The following TEKT1 variants were observed in gnomAD, a reference collection of about 807,000 sequenced individuals.
TEKT1 encodes tektin-1.
TEKT1 carries 32 observed loss-of-function variants against 34.8 expected under a neutral mutation model. The observed-to-expected ratio is 0.92, with a 90% CI of 0.69 to 1.23. The LOEUF (loss-of-function observed/expected upper bound fraction) is 1.23, where lower values mean the gene tolerates loss of function less well. Among genes scored for constraint, TEKT1 ranks in the 50% most tolerant of loss-of-function variants. The pLI is 0.00. For missense variants in TEKT1, 492 were observed against 518.5 expected (o/e 0.95, Z 0.50); for synonymous variants, 207 against 199.8 (o/e 1.04, Z -0.30).
In TEKT1 at chr17:6,798,056, G is replaced by A. The variant is rs1490980263; in HGVS notation, c.*1971C>T. The A allele has an allele frequency of 3.9e-5, 6 of 152,206 alleles. No individual in the cohort carries two copies. The highest frequency in any genetic ancestry group is 8.8e-5 in the Non-Finnish European group (6 of 68,036). 9.4% of individuals were successfully genotyped at this position (152,206 alleles called of 1,614,324 possible). A position where few individuals can be genotyped will look rare whatever the true frequency, so the allele number is the denominator to read the frequency against. On this transcript the variant is annotated 3_prime_UTR_variant, in exon 8 of 8. Coordinates refer to ENST00000338694, the MANE Select transcript of TEKT1 (RefSeq NM_053285.2). Reference sequence around the variant, plus strand: ...TTTCCGCATTTTATGTCTACATGTTGAGAAATGGCCTCAACCATAATCAAA... The same window carrying A: ...TTTCCGCATTTTATGTCTACATGTTAAGAAATGGCCTCAACCATAATCAAA...
At chr17:6,801,477 A>G (rs1976771495) in intron 6 of TEKT1, among the ~76,000 whole-genome samples, 1 of 152,172 alleles carries the variant, frequency 6.6e-6, no homozygotes, top group African/African-American at 2.4e-5. Context: ...TGGGAGGCTG[A>G]GGAGGGAAGA....
chr17:6,828,535 A>G (rs998255638), intron 2 of TEKT1, among the ~76,000 whole-genome samples: 2 of 152,200 alleles, frequency 1.3e-5, no homozygotes, highest in African/African-American at 4.8e-5. Context: ...AAATCGGACA[A>G]TCAGGCAACA....
chr17:6,812,865 T>C lies in TEKT1; in HGVS notation c.818A>G (p.Asp273Gly), dbSNP rs36080937. ...ATGATCAGCCAGCTTGTCCCTGGCA[T>C]CCTTTGTATCCTTCAGCCCATTCTT... Reference protein sequence around the residue: ...AFKNGLKDTKDARDKLADHLA... With the variant: ...AFKNGLKDTKGARDKLADHLA... Residue 273 changes from aspartate (D) to glycine (G), a missense_variant, in exon 6 of 8, where the codon GAT becomes GGT. Asp to Gly is a moderately conservative substitution (Grantham distance 94). Coordinates refer to ENST00000338694, the MANE Select transcript of TEKT1 (RefSeq NM_053285.2). The C allele has an allele frequency of 1.8e-3, 2,873 of 1,614,092 alleles. 4 individuals are homozygous for C. The highest frequency in any genetic ancestry group is 2.1e-3 in the Non-Finnish European group (2,491 of 1,179,984).
rs1976730027 is a variant in TEKT1, at chr17:6,798,949, G to A, written c.*1078C>T. ...GAGCCCCACACCGTCAGCTGTCCAT[G>A]AGCACCGGGGAACCAAATGTTAGCA... On this transcript the variant is annotated 3_prime_UTR_variant, in exon 8 of 8. Transcript: ENST00000338694. 1 of 152,218 alleles carries A rather than the reference G, an allele frequency of 6.6e-6. No homozygotes were observed. Among genetic ancestry groups the A allele is most frequent in the Admixed American group, 6.5e-5 (1 of 15,288 alleles). 9.4% of individuals were successfully genotyped at this position (152,218 alleles called of 1,614,324 possible).
intron 2 of TEKT1, 87 bp downstream of exon 2, chr17:6,830,100 T>G: frequency 7.7e-7 from 1 of 1,296,422 alleles, no homozygotes; most frequent in Non-Finnish European, 1.1e-6. Flanking sequence ...AAAAATAATA[T>G]GTTGCCACAT....
At chr17:6,817,655 T>A (rs1171391051) in intron 3 of TEKT1, among the ~76,000 whole-genome samples, 1 of 152,142 alleles carries the variant, frequency 6.6e-6, no homozygotes, top group Non-Finnish European at 1.5e-5. Flanking sequence ...CACAACGTTT[T>A]GCTCTTTTTC....
intron 1 of TEKT1, among the ~76,000 whole-genome samples, chr17:6,830,722 A>G (rs1904552598): frequency 6.6e-6 from 1 of 152,046 alleles, no homozygotes; most frequent in Non-Finnish European, 1.5e-5. Flanking sequence ...GCTCAACATT[A>G]TGTTTGTAAA....
chr17:6,800,905 T>C lies in TEKT1; in HGVS notation c.891A>G (p.Thr297=), dbSNP rs1466291270. The C allele has an allele frequency of 6.2e-7, 1 of 1,614,064 alleles. No individual in the cohort carries two copies. The change falls in exon 7 of 8, where the codon ACA becomes ACG. Residue 297 remains threonine (T), a synonymous_variant. Coordinates refer to ENST00000338694, the MANE Select transcript of TEKT1 (RefSeq NM_053285.2). The part of the protein sequence containing the change: ...EEIASQEKNI[T]ALEKAILDQE... The stretch of plus-strand genomic sequence containing the variant: ...GGTCAAGGATGGCCTTTTCAAGAGC[T>C]GTAATATTTTTCTCCTGGGAAGCAA...
At chr17:6,823,815 C>CTTTT (rs33937600) in intron 2 of TEKT1, among the ~76,000 whole-genome samples, 33 of 77,658 alleles carry the variant, frequency 4.2e-4, no homozygotes, top group Non-Finnish European at 5.1e-4. Context: ...AAACCTCATC[C>CTTTT]TTTTTTTTTT....
Position 6,815,288 on chromosome 17 carries a change from C to G in TEKT1, c.504G>C (p.Lys168Asn), listed in dbSNP as rs746333831. 1.9e-6 allele frequency: 3 copies of G among 1,614,240 alleles called. No homozygotes were observed. Among genetic ancestry groups the G allele is most frequent in the Non-Finnish European group, 2.5e-6 (3 of 1,180,040 alleles). The change falls in exon 5 of 8, where the codon AAG becomes AAC. Residue 168 changes from lysine (K) to asparagine (N), a missense_variant. Transcript: ENST00000338694. Reference sequence around the variant, plus strand: ...CCTTCAAATCCTTCTCAAGATTGTACTTGGCAGAGCGGTTCATCCTGAAGG... The same window carrying G: ...CCTTCAAATCCTTCTCAAGATTGTAGTTGGCAGAGCGGTTCATCCTGAAGG... The part of the protein sequence containing the change: ...SEQIRMNRSA[K>N]YNLEKDLKDK...
rs201636504 is a variant in TEKT1 at position 6,819,266 on chromosome 17, T to C, written c.283A>G (p.Lys95Glu). The stretch of plus-strand genomic sequence containing the variant: ...TCCAGGGCTTTTTCCAATCTGATCT[T>C]ATATATGAGTAGATCATCAGTTACA... Reference protein sequence around the residue: ...VNVTDDLLIYKIRLEKALETL... With the variant: ...VNVTDDLLIYEIRLEKALETL... The change falls in exon 3 of 8, where the codon AAG (lysine) becomes GAG (glutamate). Residue 95 changes from lysine to glutamate, a missense_variant. Lys to Glu is a moderately conservative substitution (Grantham distance 56). Transcript: ENST00000338694. The C allele has an allele frequency of 9.2e-5, 149 of 1,614,114 alleles. 1 individual carries two copies. The African/African-American group carries it at 1.6e-3, about 18-fold the overall frequency.
chr17:6,830,453 T>C, intron 1 of TEKT1, 60 bp from the exon 2 acceptor site: 1 of 1,175,274 alleles, frequency 8.5e-7, no homozygotes, highest in South Asian at 1.7e-5. Flanking sequence ...TTTATGATAA[T>C]TTTTATTCAA....
At chr17:6,819,148 C>A in intron 3 of TEKT1, 45 bp downstream of exon 3, 1 of 1,588,186 alleles carries the variant, frequency 6.3e-7, no homozygotes, top group Non-Finnish European at 8.6e-7. Flanking sequence ...CCCAGCATCT[C>A]ATTTGTCACA....
At chr17:6,802,628 C>A (rs1976790708) in intron 6 of TEKT1, among the ~76,000 whole-genome samples, 1 of 130,840 alleles carries the variant, frequency 7.6e-6, no homozygotes, top group Non-Finnish European at 1.6e-5. Context: ...GCTATCCCTC[C>A]CCCCTCCCCC....
intron 5 of TEKT1, 132 bp downstream of exon 5, chr17:6,815,031 A>G: frequency 8.7e-7 from 1 of 1,146,142 alleles, no homozygotes; most frequent in Admixed American, 2.3e-5. Context: ...CAAGGTCACC[A>G]TTCAATGCTG....
chr17:6,829,529 T>TA (rs1785114706), intron 2 of TEKT1, among the ~76,000 whole-genome samples: 2 of 134,902 alleles, frequency 1.5e-5, no homozygotes, highest in African/African-American at 5.6e-5. Context: ...TTTTTTTTTT[T>TA]ATGAAACAGG....
At chr17:6,829,355 G>A (rs1022322099) in intron 2 of TEKT1, among the ~76,000 whole-genome samples, 2 of 152,102 alleles carry the variant, frequency 1.3e-5, no homozygotes, top group Non-Finnish European at 2.9e-5. Context: ...CAGAGTCCCT[G>A]ACAGACACCA....
chr17:6,803,398 A>C (rs1404054361), intron 6 of TEKT1, among the ~76,000 whole-genome samples: 3 of 152,078 alleles, frequency 2.0e-5, no homozygotes, highest in Non-Finnish European at 2.9e-5. Flanking sequence ...ATTTTCTTCC[A>C]TTCTGCAGGT....
Position 6,798,395 on chromosome 17 carries a change from G to A in TEKT1, c.*1632C>T, listed in dbSNP as rs1381794875. ...CCTGCCAGCCACATCCTCTGGGACA[G>A]ACCTCAAAACCCTGCTAAGTTAGCA... On this transcript the variant is annotated 3_prime_UTR_variant, in exon 8 of 8. Coordinates refer to ENST00000338694, the MANE Select transcript of TEKT1 (RefSeq NM_053285.2). 1 of 152,280 alleles carries A rather than the reference G, an allele frequency of 6.6e-6. No homozygotes were observed. The highest frequency in any genetic ancestry group is 1.5e-5 in the Non-Finnish European group (1 of 68,080). 9.4% of individuals were successfully genotyped at this position (152,280 alleles called of 1,614,324 possible).
Sources: allele counts gnomAD v4.1 joint callset (sites outside exome capture counted in the v4.1 genomes callset), GRCh38; gene constraint gnomAD v4.1.1; transcripts MANE v1.5; gene names NCBI Gene and HGNC (gene_info 2026-07-23, HGNC 2026-07-21).